Variants in RNF212 observed in about 807,000 individuals in gnomAD.
RNF212 encodes the protein probable E3 SUMO-protein ligase RNF212.
Under a neutral mutation model 34.7 loss-of-function variants are expected in RNF212, and 33 were observed. The ratio of observed to expected loss-of-function variants is 0.95; its 90% CI spans 0.72 to 1.27. The LOEUF (loss-of-function observed/expected upper bound fraction) is 1.27. RNF212 is among the 50% of genes most tolerant of loss of function. The probability of loss-of-function intolerance (pLI) is 0.00; values close to 1 mark genes in which losing one functional copy is unlikely to be tolerated. For synonymous variants in RNF212, 140 were observed against 136.1 expected, an observed-to-expected ratio of 1.03 and a Z score of -0.20; for missense variants, 377 against 362.2, an observed-to-expected ratio of 1.04 and a Z score of -0.33.
chr4:1,073,581 A>G lies in RNF212; in HGVS notation c.574+18T>C. 2 of 1,547,298 alleles carry G rather than the reference A, an allele frequency of 1.3e-6. No homozygotes were observed. The highest frequency in any genetic ancestry group is 1.8e-6 in the Non-Finnish European group (2 of 1,119,430). On this transcript the variant is annotated intron_variant, in intron 9 of 9. Transcript: ENST00000433731. ...TCGATGCATGTATCGGTCTGAGGTT[A>G]CAGGACATTTTACTTACCCATTCGT...
chr4:1,066,309 A>G (rs1336634726), intron 3 of RNF212, among the ~76,000 whole-genome samples: 1 of 152,106 alleles, frequency 6.6e-6, no homozygotes, highest in Non-Finnish European at 1.5e-5. Flanking sequence ...TACTTTGCCT[A>G]TTCAAGTCAT....
chr4:1,083,945 A>ATTTTTT (rs376424627), intron 5 of RNF212, among the ~76,000 whole-genome samples: 1 of 134,678 alleles, frequency 7.4e-6, no homozygotes. Flanking sequence ...CATTTTGTGC[A>ATTTTTT]TTTTTTTTTT....
rs78597275 is a variant in RNF212 at position 1,099,189 on chromosome 4, G to A, written c.172-2350C>T. Among the ~76,000 whole-genome samples the A allele has an allele frequency of 7.2e-3, 1,097 of 152,304 alleles. 6 individuals are homozygous for A. The highest frequency in any genetic ancestry group is 0.011 in the Non-Finnish European group (764 of 68,034). On this transcript the variant is annotated intron_variant, in intron 2 of 9. Transcript: ENST00000433731. The stretch of plus-strand genomic sequence containing the variant: ...GAGGGCCGGCGATAAGCCAGGTGCC[G>A]GAATTTTCAAAGTGCTAAGATGCAT...
At chr4:1,057,204 G>C (rs1350706053) in intron 4 of RNF212, among the ~76,000 whole-genome samples, 2 of 152,200 alleles carry the variant, frequency 1.3e-5, no homozygotes, top group Non-Finnish European at 2.9e-5. Context: ...GCACCCAGGA[G>C]GGTCGACAAC....
intron 3 of RNF212, among the ~76,000 whole-genome samples, chr4:1,095,951 GCGCACC>G (rs2153056003): frequency 1.3e-5 from 1 of 77,818 alleles, no homozygotes; most frequent in Non-Finnish European, 2.3e-5. Context: ...TCTCGGGATA[GCGCACC>G]TGGCTCATCA....
At chr4:1,091,141 G>A (rs1233638438) in intron 3 of RNF212, among the ~76,000 whole-genome samples, 1 of 152,248 alleles carries the variant, frequency 6.6e-6, no homozygotes, top group Non-Finnish European at 1.5e-5. Flanking sequence ...ATGGCTACTG[G>A]TTTGAGGAAT....
At chr4:1,062,768 A>C (rs1717833048) in intron 3 of RNF212, among the ~76,000 whole-genome samples, 1 of 152,196 alleles carries the variant, frequency 6.6e-6, no homozygotes. Flanking sequence ...AAAGTAAAAC[A>C]ACCTCCACTT....
Position 1,085,960 on chromosome 4 carries a change from C to T in RNF212, c.304-6G>A. The T allele has an allele frequency of 1.9e-6, 3 of 1,590,996 alleles. No homozygotes were observed. Among genetic ancestry groups the T allele is most frequent in the Non-Finnish European group, 2.6e-6 (3 of 1,159,860 alleles). ...GATTCTTCCAACCTAGAAATCTAAACATAATTACACAACCTCTTGTTATCA... is the reference window on the plus strand; with the variant it reads ...GATTCTTCCAACCTAGAAATCTAAATATAATTACACAACCTCTTGTTATCA... On this transcript the variant is annotated splice_polypyrimidine_tract_variant and splice_region_variant and intron_variant, in intron 4 of 9. Transcript: ENST00000433731.
intron 4 of RNF212, chr4:1,056,546 A>T: frequency 3.2e-6 from 3 of 948,232 alleles, no homozygotes; most frequent in Non-Finnish European, 3.8e-6. Flanking sequence ...TACAAAAAAT[A>T]AGGTGGGGAG....
chr4:1,085,517 G>T (rs1421820377), intron 5 of RNF212, among the ~76,000 whole-genome samples: 1 of 152,192 alleles, frequency 6.6e-6, no homozygotes, highest in African/African-American at 2.4e-5. Flanking sequence ...TACGACTCCT[G>T]GCAGAAAGCA....
At chr4:1,101,160 C>G in intron 2 of RNF212, 1 of 184,900 alleles carries the variant, frequency 5.4e-6, no homozygotes, top group Non-Finnish European at 1.2e-5. Context: ...TGTGGAGTGA[C>G]TGCGACCCCT....
intron 7 of RNF212, among the ~76,000 whole-genome samples, chr4:1,080,794 G>A (rs1299373448): frequency 6.6e-6 from 1 of 152,232 alleles, no homozygotes; most frequent in Middle Eastern, 3.2e-3. Context: ...ATCTGAATGT[G>A]TTTCCTATCA....
At chr4:1,062,086 A>G (rs1204271000) in intron 3 of RNF212, among the ~76,000 whole-genome samples, 1 of 152,236 alleles carries the variant, frequency 6.6e-6, no homozygotes, top group Non-Finnish European at 1.5e-5. Context: ...CAGAAATGCT[A>G]AAGAAAAAAG....
At chr4:1,077,210 A>T (rs1719457414) in intron 8 of RNF212, among the ~76,000 whole-genome samples, 1 of 152,198 alleles carries the variant, frequency 6.6e-6, no homozygotes. Flanking sequence ...CCTATAGGCA[A>T]TAGAGTGAGA....
chr4:1,068,385 G>A (rs1038479497), downstream of RNF212, among the ~76,000 whole-genome samples: 1 of 152,118 alleles, frequency 6.6e-6, no homozygotes, highest in Non-Finnish European at 1.5e-5. Flanking sequence ...GCTTTACAAC[G>A]TCATGTAAAA....
downstream of RNF212, among the ~76,000 whole-genome samples, chr4:1,068,106 C>A (rs964318306): frequency 6.6e-6 from 1 of 152,156 alleles, no homozygotes; most frequent in African/African-American, 2.4e-5. Context: ...TAGAATTTGA[C>A]ACTATCCTAA....
downstream of RNF212, among the ~76,000 whole-genome samples, chr4:1,070,164 C>T (rs555931830): frequency 1.3e-5 from 2 of 149,974 alleles, no homozygotes; most frequent in East Asian, 2.0e-4. Context: ...GCTGTGTCAG[C>T]GTGGACGCCT....
chr4:1,080,686 CT>C (rs111916592), intron 7 of RNF212, among the ~76,000 whole-genome samples: 7,819 of 152,302 alleles, frequency 0.051, 668 homozygotes, highest in African/African-American at 0.18. Context: ...CACGAGACCC[CT>C]CTCTGCCTGA....
At chr4:1,101,704 G>T in intron 2 of RNF212, 1 of 196,064 alleles carries the variant, frequency 5.1e-6, no homozygotes, top group Non-Finnish European at 1.1e-5. Flanking sequence ...TCCAGCTCCT[G>T]CCATAGGGAA....
Sources: allele counts gnomAD v4.1 joint callset (sites outside exome capture counted in the v4.1 genomes callset), GRCh38; gene constraint gnomAD v4.1.1; transcripts MANE v1.5; gene names NCBI Gene and HGNC (gene_info 2026-07-23, HGNC 2026-07-21).